Variants in MGST1 observed in about 807,000 individuals in gnomAD.
MGST1 encodes microsomal glutathione S-transferase 1.
A neutral mutation model predicts 8.9 loss-of-function variants in MGST1; 5 were observed. The observed-to-expected ratio is 0.56, with a 90% CI of 0.29 to 1.19. The LOEUF (loss-of-function observed/expected upper bound fraction) is 1.19. Ranked by LOEUF, MGST1 falls within the 50% of genes most tolerant of loss-of-function variation. MGST1 has a pLI of 0.08. For synonymous variants in MGST1, 54 were observed against 67.8 expected, an observed-to-expected ratio of 0.80 and a Z score of 1.00; for missense variants, 182 against 187.4, an observed-to-expected ratio of 0.97 and a Z score of 0.17.
At chr12:16,399,344 A>G (rs1270789328) in intron 1 of MGST1, 8 of 1,580,194 alleles carry the variant, frequency 5.1e-6, no homozygotes, top group Middle Eastern at 2.2e-4. Context: ...GGTTAGAGCC[A>G]TGGCCCAAAC....
intron 4 of MGST1, among the ~76,000 whole-genome samples, chr12:16,461,006 T>A (rs1488608626): frequency 1.3e-5 from 2 of 151,950 alleles, no homozygotes; most frequent in African/African-American, 4.8e-5. Flanking sequence ...GAGGAAGATA[T>A]AGAATAAATG....
At chr12:16,355,366 G>A (rs1163328383) in intron 2 of MGST1, among the ~76,000 whole-genome samples, 1 of 152,044 alleles carries the variant, frequency 6.6e-6, no homozygotes, top group African/African-American at 2.4e-5. Flanking sequence ...GCACCACCAG[G>A]CCCAGTTGAT....
At chr12:16,483,344 A>C (rs1296359757) in intron 4 of MGST1, among the ~76,000 whole-genome samples, 2 of 151,954 alleles carry the variant, frequency 1.3e-5, no homozygotes, top group Non-Finnish European at 2.9e-5. Flanking sequence ...TTAAATATGT[A>C]TGATAAAATC....
intron 4 of MGST1, among the ~76,000 whole-genome samples, chr12:16,454,062 A>G (rs1941150535): frequency 1.3e-5 from 2 of 152,020 alleles, no homozygotes; most frequent in African/African-American, 2.4e-5. Context: ...TTAGAAACCT[A>G]TACGACTTTC....
intron 1 of MGST1, among the ~76,000 whole-genome samples, chr12:16,407,764 T>C (rs1274028587): frequency 6.6e-6 from 1 of 152,076 alleles, no homozygotes; most frequent in Non-Finnish European, 1.5e-5. Context: ...CCGATTGCAG[T>C]GGCTCACACC....
intron 4 of MGST1, among the ~76,000 whole-genome samples, chr12:16,532,220 C>T (rs571360730): frequency 4.6e-5 from 7 of 152,112 alleles, no homozygotes; most frequent in South Asian, 4.2e-4. Flanking sequence ...AAGCCTCTTG[C>T]GGGGGGAGAA....
chr12:16,569,976 C>T (rs1055965514), intron 4 of MGST1, among the ~76,000 whole-genome samples: 2 of 152,096 alleles, frequency 1.3e-5, no homozygotes, highest in African/African-American at 4.8e-5. Flanking sequence ...CAATCAGCCA[C>T]AATTATACGA....
At chr12:16,464,193 A>T (rs1342007226) in intron 4 of MGST1, among the ~76,000 whole-genome samples, 8 of 152,266 alleles carry the variant, frequency 5.3e-5, no homozygotes, top group Non-Finnish European at 1.0e-4. Context: ...TGAATGGTCA[A>T]CCGCAGTTAC....
intron 4 of MGST1, chr12:16,550,388 G>C (rs750656827): frequency 1.8e-4 from 27 of 152,306 alleles, no homozygotes; most frequent in Non-Finnish European, 3.5e-4. Context: ...AAAGGCACTA[G>C]TTCACATAAG....
At chr12:16,426,717 C>T (rs530956235) in intron 1 of MGST1, among the ~76,000 whole-genome samples, 24 of 152,088 alleles carry the variant, frequency 1.6e-4, no homozygotes, top group African/African-American at 5.3e-4. Context: ...TTTGGGAGGC[C>T]GAGGCGGGCG....
At chr12:16,504,975 C>A (rs1199016979) in intron 4 of MGST1, among the ~76,000 whole-genome samples, 1 of 152,166 alleles carries the variant, frequency 6.6e-6, no homozygotes, top group Non-Finnish European at 1.5e-5. Flanking sequence ...TTAATGGCTT[C>A]TTTTCAGGCC....
intron 1 of MGST1, chr12:16,400,146 A>G (rs1378797735): frequency 3.6e-6 from 5 of 1,397,228 alleles, no homozygotes; most frequent in African/African-American, 2.8e-5. Context: ...CATAGAGGTC[A>G]TCTCGGTCAT....
At chr12:16,578,460 T>C (rs1943060770) in intron 4 of MGST1, among the ~76,000 whole-genome samples, 1 of 152,172 alleles carries the variant, frequency 6.6e-6, no homozygotes, top group Non-Finnish European at 1.5e-5. Flanking sequence ...TTGGAGTAGA[T>C]GGTCTCAGGC....
chr12:16,526,776 C>T (rs2137195988), intron 4 of MGST1, among the ~76,000 whole-genome samples: 1 of 151,900 alleles, frequency 6.6e-6, no homozygotes, highest in Middle Eastern at 3.4e-3. Flanking sequence ...GAAAAGTGAG[C>T]CAGGAAGGGA....
intron 4 of MGST1, among the ~76,000 whole-genome samples, chr12:16,493,271 T>C (rs1591744313): frequency 6.6e-6 from 1 of 152,212 alleles, no homozygotes; most frequent in Non-Finnish European, 1.5e-5. Flanking sequence ...TCTGGACCTT[T>C]GGACTTCAAA....
At chr12:16,581,199 T>C (rs1943147772) in intron 4 of MGST1, among the ~76,000 whole-genome samples, 1 of 152,180 alleles carries the variant, frequency 6.6e-6, no homozygotes, top group South Asian at 2.1e-4. Flanking sequence ...AGTAAGTCCC[T>C]GAAGCCATGT....
intron 4 of MGST1, among the ~76,000 whole-genome samples, chr12:16,579,119 C>T (rs2137519592): frequency 6.6e-6 from 1 of 152,092 alleles, no homozygotes; most frequent in Middle Eastern, 3.4e-3. Flanking sequence ...CATAAACTTC[C>T]ACAGGGATTT....
At chr12:16,414,824 A>T (rs1466027983) in intron 1 of MGST1, among the ~76,000 whole-genome samples, 1 of 152,100 alleles carries the variant, frequency 6.6e-6, no homozygotes, top group Non-Finnish European at 1.5e-5. Flanking sequence ...GGAGTTTGAG[A>T]CCAGCCTGGT....
chr12:16,582,384 T>G lies in MGST1; in HGVS notation n.483-7144T>G, dbSNP rs1463053683. Among the ~76,000 whole-genome samples the G allele has an allele frequency of 1.3e-5, 2 of 152,264 alleles. No homozygotes were observed. The highest frequency in any genetic ancestry group is 3.8e-4 in the East Asian group (2 of 5,206). ...GTGACAGACTATTTGCTAATATCTTTCAAGTTTTTGTATCTGTATGCAAAA... is the reference window on the plus strand; with the variant it reads ...GTGACAGACTATTTGCTAATATCTTGCAAGTTTTTGTATCTGTATGCAAAA... On this transcript the variant is annotated intron_variant and non_coding_transcript_variant, in intron 4 of 4. Coordinates refer to the MGST1 transcript ENST00000538857. This position sits in a 1 kb window ranked among gnomAD's most constrained non-coding sequence, Gnocchi z 4.1.
Sources: gnomAD v4.1 joint callset for allele counts (sites outside exome capture counted in the v4.1 genomes callset) on GRCh38, gnomAD v4.1.1 for gene constraint, Gnocchi (gnomAD v3.1) non-coding constraint, MANE v1.5 for transcripts, NCBI Gene and HGNC (gene_info 2026-07-23, HGNC 2026-07-21) for gene names.